KAZN: variants seen among roughly 807,000 people sequenced by gnomAD.
The protein encoded by KAZN is kazrin, periplakin interacting protein.
A neutral mutation model predicts 87.4 loss-of-function variants in KAZN; 40 were observed. That is an observed-to-expected ratio of 0.46 (90% confidence interval 0.36 to 0.60). The LOEUF (loss-of-function observed/expected upper bound fraction) is 0.60, where lower values mean the gene tolerates loss of function less well. KAZN is among the 20% of genes least tolerant of loss of function. KAZN has a pLI of 0.00. For synonymous variants in KAZN, 466 were observed against 458.3 expected (o/e 1.02, Z -0.22); for missense variants, 898 against 1,073.9 (o/e 0.84, Z 2.29).
At chr1:14,402,268 A>G (rs1018445427) in intron 2 of KAZN, among the ~76,000 whole-genome samples, 12 of 151,860 alleles carry the variant, frequency 7.9e-5, no homozygotes, top group Non-Finnish European at 1.2e-4. Context: ...ATGTTATAGG[A>G]AAAATAGCCT....
intron 1 of KAZN, among the ~76,000 whole-genome samples, chr1:14,050,341 G>T (rs1334537135): frequency 6.6e-6 from 1 of 152,208 alleles, no homozygotes; most frequent in African/African-American, 2.4e-5. Context: ...GGCCCCTGTA[G>T]TAGTCTGTTT....
intron 2 of KAZN, among the ~76,000 whole-genome samples, chr1:15,028,954 G>A (rs1671426848): frequency 6.6e-6 from 1 of 152,236 alleles, no homozygotes; most frequent in East Asian, 1.9e-4. Flanking sequence ...TCCCCGGCTG[G>A]GTGGTACCAT....
intron 1 of KAZN, among the ~76,000 whole-genome samples, chr1:13,970,215 A>C (rs546601590): frequency 9.8e-4 from 150 of 152,362 alleles, no homozygotes; most frequent in African/African-American, 3.5e-3. Flanking sequence ...AGCCTCTCTT[A>C]TGATGGCAGA....
At chr1:14,544,320 GT>G (rs772405367) in intron 2 of KAZN, among the ~76,000 whole-genome samples, 4,244 of 108,842 alleles carry the variant, frequency 0.039, 71 homozygotes, top group African/African-American at 0.058. Flanking sequence ...GAGATTTGGG[GT>G]TTTTTTTTTT....
intron 1 of KAZN, among the ~76,000 whole-genome samples, chr1:14,884,456 A>C (rs1476177305): frequency 2.0e-5 from 3 of 152,248 alleles, no homozygotes; most frequent in East Asian, 3.8e-4. Context: ...CACTGAATTA[A>C]AGAATAAAAT....
chr1:14,741,706 C>A (rs1207823303), intron 1 of KAZN, among the ~76,000 whole-genome samples: 1 of 152,172 alleles, frequency 6.6e-6, no homozygotes, highest in Non-Finnish European at 1.5e-5. Context: ...AGCTTCATAG[C>A]CAAGAGGTTC....
At chr1:14,232,484 C>T (rs1434212475) in intron 2 of KAZN, among the ~76,000 whole-genome samples, 2 of 152,142 alleles carry the variant, frequency 1.3e-5, no homozygotes, top group Non-Finnish European at 1.5e-5. Flanking sequence ...TCTTGGGGAT[C>T]TGGAGAGGAA....
Position 14,858,209 on chromosome 1 carries a change from C to CTTTTTTTTTTTTTTTTT in KAZN, c.227-102471_227-102470insTTTTTTTTTTTTTTTTT, listed in dbSNP as rs762613728. ...CTTTCTTTTTTTCTTTTTTCTTTTT[C>CTTTTTTTTTTTTTTTTT]TTTTCTTTTTTTTTTTTTTTTGAGA... On this transcript the variant is annotated intron_variant, in intron 1 of 14. Transcript: ENST00000376030. Among the ~76,000 whole-genome samples the CTTTTTTTTTTTTTTTTT allele has an allele frequency of 4.3e-4, 50 of 115,916 alleles. 4 individuals are homozygous for CTTTTTTTTTTTTTTTTT. The highest frequency in any genetic ancestry group is 5.3e-4 in the South Asian group (2 of 3,782). 76.0% of individuals were successfully genotyped at this position (115,916 alleles called of 152,430 possible). A position where few individuals can be genotyped will look rare whatever the true frequency, so the allele number is the denominator to read the frequency against.
At chr1:14,862,084 C>T (rs550119384) in intron 1 of KAZN, among the ~76,000 whole-genome samples, 2 of 152,188 alleles carry the variant, frequency 1.3e-5, no homozygotes, top group South Asian at 4.1e-4. Context: ...CCTACAGCGC[C>T]TATGGTGTGT....
At chr1:14,513,332 C>T (rs918493109) in intron 2 of KAZN, among the ~76,000 whole-genome samples, 5 of 152,150 alleles carry the variant, frequency 3.3e-5, no homozygotes, top group Non-Finnish European at 5.9e-5. Flanking sequence ...AGAAATTGCT[C>T]AAGTTACCGA....
At chr1:14,838,733 T>C (rs1647581167) in intron 1 of KAZN, among the ~76,000 whole-genome samples, 1 of 152,178 alleles carries the variant, frequency 6.6e-6, no homozygotes, top group African/African-American at 2.4e-5. Context: ...GTGATTCTCA[T>C]GTCTCAGCCT....
At chr1:13,930,633 G>A (rs566334730) in intron 1 of KAZN, among the ~76,000 whole-genome samples, 1 of 152,158 alleles carries the variant, frequency 6.6e-6, no homozygotes, top group Non-Finnish European at 1.5e-5. Context: ...GGGGGAGTTG[G>A]TTAATAGGCA....
intron 2 of KAZN, among the ~76,000 whole-genome samples, chr1:14,426,072 G>A (rs761230446): frequency 4.6e-5 from 7 of 152,180 alleles, no homozygotes; most frequent in East Asian, 1.9e-4. Context: ...TGGGCCCCCC[G>A]GCCTCCTCTC....
chr1:14,590,074 G>A (rs1360731028), intron 2 of KAZN, among the ~76,000 whole-genome samples: 1 of 151,998 alleles, frequency 6.6e-6, no homozygotes, highest in Non-Finnish European at 1.5e-5. Context: ...TCACCAAATC[G>A]AATGCACCTC....
chr1:14,283,919 A>C (rs185075622), intron 2 of KAZN, among the ~76,000 whole-genome samples: 3 of 152,330 alleles, frequency 2.0e-5, no homozygotes, highest in Admixed American at 2.0e-4. Context: ...ATAGTGTTTG[A>C]CCATAAAAAG....
At chr1:14,836,786 T>C in intron 1 of KAZN, among the ~76,000 whole-genome samples, 1 of 152,298 alleles carries the variant, frequency 6.6e-6, no homozygotes, top group East Asian at 1.9e-4. Context: ...AATTTTTCAT[T>C]ATATTCTATT....
chr1:14,570,210 T>C (rs764122493), intron 2 of KAZN, among the ~76,000 whole-genome samples: 4 of 152,188 alleles, frequency 2.6e-5, no homozygotes, highest in Non-Finnish European at 5.9e-5. Flanking sequence ...GTTAACTAGG[T>C]TCCTTCATTC....
chr1:14,148,996 T>C (rs953867956), intron 1 of KAZN, among the ~76,000 whole-genome samples: 18 of 152,104 alleles, frequency 1.2e-4, no homozygotes, highest in African/African-American at 4.1e-4. Flanking sequence ...AATTCTGTAG[T>C]TGAAGGTGGA....
At chr1:14,143,389 T>C (rs1213350007) in intron 1 of KAZN, among the ~76,000 whole-genome samples, 1 of 152,192 alleles carries the variant, frequency 6.6e-6, no homozygotes, top group Non-Finnish European at 1.5e-5. Flanking sequence ...TTGTTTCGTG[T>C]ATGTACCGCC....
Sources: allele counts gnomAD v4.1 joint callset (sites outside exome capture counted in the v4.1 genomes callset), GRCh38; gene constraint gnomAD v4.1.1; transcripts MANE v1.5; gene names NCBI Gene and HGNC (gene_info 2026-07-23, HGNC 2026-07-21).